The following TRMT11 variants were observed in gnomAD, a reference collection of about 807,000 sequenced individuals.
The protein encoded by TRMT11 is tRNA (guanine(10)-N(2))-methyltransferase TRMT11.
TRMT11 carries 53 observed loss-of-function variants against 62.8 expected under a neutral mutation model. The ratio of observed to expected loss-of-function variants is 0.84; its 90% CI spans 0.68 to 1.06. TRMT11 has a LOEUF of 1.06. TRMT11 is among the 50% of genes least tolerant of loss of function. TRMT11 has a pLI of 0.00. For missense variants in TRMT11, 556 were observed against 553.4 expected (o/e 1.00, Z -0.05); for synonymous variants, 188 against 190.3 (o/e 0.99, Z 0.10).
At chr6:126,056,110 C>T (rs1485992168) in intron 17 of TRMT11, among the ~76,000 whole-genome samples, 1 of 152,218 alleles carries the variant, frequency 6.6e-6, no homozygotes, top group Non-Finnish European at 1.5e-5. Flanking sequence ...CCCAGGACAG[C>T]TCTGAATTCA....
In TRMT11 at chr6:126,035,889, C is replaced by T. The variant is rs539084478; in HGVS notation, c.1261-2816C>T. On this transcript the variant is annotated intron_variant, in intron 12 of 12. Coordinates refer to ENST00000334379, the MANE Select transcript of TRMT11 (RefSeq NM_001031712.3). ...TCAAAGATAAACTATTTTATTAATC[C>T]CTTCCTTTGGTCCGTAGAGGAAGCC... Among the ~76,000 whole-genome samples the T allele has an allele frequency of 3.4e-4, 51 of 152,060 alleles. 1 individual carries two copies. In the Middle Eastern group the frequency reaches 0.01, roughly 30 times the overall value.
At chr6:126,233,801 A>T in the TRMT11 span, among the ~76,000 whole-genome samples, 1 of 152,178 alleles carries the variant, frequency 6.6e-6, no homozygotes, top group Non-Finnish European at 1.5e-5. Context: ...ATTCTAATGC[A>T]GTCATAAAAT....
At chr6:126,017,146 A>G (rs1795111620) in intron 11 of TRMT11, among the ~76,000 whole-genome samples, 1 of 152,198 alleles carries the variant, frequency 6.6e-6, no homozygotes, top group Non-Finnish European at 1.5e-5. Context: ...ATAAAAAGGA[A>G]TTCAATTTAC....
chr6:126,228,129 G>A, the TRMT11 span, among the ~76,000 whole-genome samples: 4 of 152,218 alleles, frequency 2.6e-5, no homozygotes, highest in Admixed American at 1.3e-4. Context: ...CCTCTGTGAG[G>A]CCCAGCTCTG....
chr6:126,112,437 T>C (rs549077551), intron 17 of TRMT11, among the ~76,000 whole-genome samples: 1 of 152,258 alleles, frequency 6.6e-6, no homozygotes, highest in East Asian at 1.9e-4. Flanking sequence ...GAATGCTGTT[T>C]TATCTCAAAA....
chr6:126,242,232 G>A, the TRMT11 span, among the ~76,000 whole-genome samples: 2 of 152,174 alleles, frequency 1.3e-5, no homozygotes, highest in East Asian at 1.9e-4. Flanking sequence ...TACAAGGGAA[G>A]TGAAGGACCT....
intron 1 of TRMT11, among the ~76,000 whole-genome samples, chr6:126,179,156 A>G (rs1266281108): frequency 6.6e-6 from 1 of 152,160 alleles, no homozygotes; most frequent in Non-Finnish European, 1.5e-5. Context: ...AGGGCTCTGC[A>G]GAAGAAATTG....
chr6:126,265,508 T>C, the TRMT11 span, among the ~76,000 whole-genome samples: 1 of 152,110 alleles, frequency 6.6e-6, no homozygotes, highest in African/African-American at 2.4e-5. Flanking sequence ...AAAATAACTA[T>C]ATAAAACTAT....
chr6:126,084,738 A>G (rs558113697), intron 17 of TRMT11, among the ~76,000 whole-genome samples: 2 of 152,302 alleles, frequency 1.3e-5, no homozygotes, highest in African/African-American at 2.4e-5. Flanking sequence ...GGTGTAAAAT[A>G]AGAGTAATTT....
chr6:126,032,006 G>T (rs1026588183), intron 12 of TRMT11, among the ~76,000 whole-genome samples: 1 of 152,068 alleles, frequency 6.6e-6, no homozygotes, highest in Non-Finnish European at 1.5e-5. Flanking sequence ...GGCAGGACTC[G>T]GTGACTAATT....
chr6:126,246,076 T>C, the TRMT11 span, among the ~76,000 whole-genome samples: 1 of 152,014 alleles, frequency 6.6e-6, no homozygotes, highest in South Asian at 2.1e-4. Context: ...AGCCCAGGAG[T>C]TTGAGACCAG....
At chr6:126,103,171 T>C (rs888997318) in intron 17 of TRMT11, among the ~76,000 whole-genome samples, 2 of 152,248 alleles carry the variant, frequency 1.3e-5, no homozygotes, top group African/African-American at 4.8e-5. Flanking sequence ...AATTTATGCC[T>C]GCCTCATGTA....
intron 16 of TRMT11, among the ~76,000 whole-genome samples, chr6:126,047,790 C>T (rs1348728484): frequency 1.3e-5 from 2 of 152,234 alleles, no homozygotes; most frequent in African/African-American, 2.4e-5. Flanking sequence ...GAGCACACCC[C>T]TGTCACAAGT....
intron 21 of TRMT11, among the ~76,000 whole-genome samples, chr6:126,118,358 TG>T (rs1381326847): frequency 6.6e-6 from 1 of 152,108 alleles, no homozygotes; most frequent in East Asian, 1.9e-4. Flanking sequence ...TAAAAGTTCC[TG>T]GGAAGAGAAG....
intron 2 of TRMT11, among the ~76,000 whole-genome samples, chr6:126,199,479 C>T (rs925686057): frequency 1.3e-5 from 2 of 152,194 alleles, no homozygotes; most frequent in African/African-American, 4.8e-5. Flanking sequence ...CAAGCTGGAA[C>T]AACTTGAGCT....
intron 17 of TRMT11, among the ~76,000 whole-genome samples, chr6:126,107,448 C>A (rs1024187993): frequency 1.3e-5 from 2 of 152,098 alleles, no homozygotes; most frequent in Admixed American, 1.3e-4. Flanking sequence ...ACTATTTACC[C>A]CTTAAATATG....
chr6:126,043,960 T>A, downstream of TRMT11, among the ~76,000 whole-genome samples: 2 of 152,024 alleles, frequency 1.3e-5, no homozygotes, highest in Non-Finnish European at 1.5e-5. Flanking sequence ...ATTAGCCCTT[T>A]GTCAGATGAG....
intron 17 of TRMT11, among the ~76,000 whole-genome samples, chr6:126,075,353 C>A (rs577462391): frequency 6.6e-6 from 1 of 152,184 alleles, no homozygotes; most frequent in South Asian, 2.1e-4. Context: ...GAATTGTAAT[C>A]CCAAGTGTTG....
the TRMT11 span, among the ~76,000 whole-genome samples, chr6:126,250,378 CAGAG>C: frequency 1.3e-5 from 2 of 152,032 alleles, no homozygotes; most frequent in Admixed American, 6.6e-5. Context: ...AACAAGGAAA[CAGAG>C]AGCATGTGGA....
Sources: allele counts gnomAD v4.1 joint callset (sites outside exome capture counted in the v4.1 genomes callset), GRCh38; gene constraint gnomAD v4.1.1; transcripts MANE v1.5; gene names NCBI Gene and HGNC (gene_info 2026-07-23, HGNC 2026-07-21).